The following C12orf54 variants were observed in gnomAD, a reference collection of about 807,000 sequenced individuals.
C12orf54 encodes chromosome 12 open reading frame 54.
C12orf54 carries 24 observed loss-of-function variants against 26.4 expected under a neutral mutation model. The ratio of observed to expected loss-of-function variants is 0.91; its 90% CI spans 0.66 to 1.28. The LOEUF (loss-of-function observed/expected upper bound fraction) is 1.28. Among genes scored for constraint, C12orf54 ranks in the 50% most tolerant of loss-of-function variants. The pLI is 0.00. For missense variants in C12orf54, 154 were observed against 150.9 expected, an observed-to-expected ratio of 1.02 and a Z score of -0.11; for synonymous variants, 54 against 47.0, an observed-to-expected ratio of 1.15 and a Z score of -0.61.
At chr12:48,429,552 C>T in the C12orf54 span, among the ~76,000 whole-genome samples, 1 of 151,330 alleles carries the variant, frequency 6.6e-6, no homozygotes, top group Non-Finnish European at 1.5e-5. Flanking sequence ...AAATCAAGAA[C>T]ACAACCCCTT....
the C12orf54 span, among the ~76,000 whole-genome samples, chr12:48,448,021 G>A: frequency 6.8e-6 from 1 of 147,496 alleles, no homozygotes; most frequent in Non-Finnish European, 1.5e-5. Context: ...CTGGCAGCTA[G>A]CAAAAAAAAC....
the C12orf54 span, among the ~76,000 whole-genome samples, chr12:48,457,790 A>C: frequency 1.3e-5 from 2 of 152,092 alleles, no homozygotes; most frequent in African/African-American, 4.8e-5. Context: ...CTCCACAATG[A>C]CACTGAAATT....
chr12:48,468,515 G>A, the C12orf54 span, among the ~76,000 whole-genome samples: 1 of 152,234 alleles, frequency 6.6e-6, no homozygotes, highest in Admixed American at 6.5e-5. Flanking sequence ...TTTTACAAGA[G>A]ACACATTTTA....
chr12:48,475,027 C>G, the C12orf54 span, among the ~76,000 whole-genome samples: 1 of 152,146 alleles, frequency 6.6e-6, no homozygotes, highest in African/African-American at 2.4e-5. Context: ...CTCACACAGC[C>G]GGGTACTCCT....
the C12orf54 span, among the ~76,000 whole-genome samples, chr12:48,436,002 T>C: frequency 6.6e-6 from 1 of 152,112 alleles, no homozygotes. Context: ...GTGTGCTGTA[T>C]TCAGGAAACC....
chr12:48,437,669 C>T, the C12orf54 span, among the ~76,000 whole-genome samples: 2 of 151,994 alleles, frequency 1.3e-5, no homozygotes, highest in East Asian at 1.9e-4. Flanking sequence ...TTATCTCAAT[C>T]GATGCAGAAA....
At chr12:48,484,127 G>A (rs775219510) in intron 2 of C12orf54, among the ~76,000 whole-genome samples, 10 of 152,196 alleles carry the variant, frequency 6.6e-5, no homozygotes, top group South Asian at 2.1e-4. Flanking sequence ...CCTGGGAGGC[G>A]GAGGTTGCGG....
the C12orf54 span, among the ~76,000 whole-genome samples, chr12:48,465,773 G>A: frequency 6.6e-6 from 1 of 152,028 alleles, no homozygotes; most frequent in Admixed American, 6.6e-5. Context: ...TAACATAAAT[G>A]GAACTAGAAG....
At chr12:48,416,914 C>T in the C12orf54 span, among the ~76,000 whole-genome samples, 2 of 151,916 alleles carry the variant, frequency 1.3e-5, no homozygotes, top group Non-Finnish European at 2.9e-5. Context: ...TAGATTAATG[C>T]TGTTGCCATG....
At chr12:48,435,920 A>C in the C12orf54 span, among the ~76,000 whole-genome samples, 1 of 152,212 alleles carries the variant, frequency 6.6e-6, no homozygotes. Flanking sequence ...AATAATGTTA[A>C]ATGTAAATGG....
At chr12:48,421,115 A>G in the C12orf54 span, among the ~76,000 whole-genome samples, 1 of 152,090 alleles carries the variant, frequency 6.6e-6, no homozygotes, top group Non-Finnish European at 1.5e-5. Flanking sequence ...CCATTCTTGC[A>G]TTGCTATAAA....
At chr12:48,465,563 G>T in the C12orf54 span, among the ~76,000 whole-genome samples, 1 of 152,128 alleles carries the variant, frequency 6.6e-6, no homozygotes, top group Non-Finnish European at 1.5e-5. Flanking sequence ...TCATTACTGG[G>T]TATATAACCA....
chr12:48,452,788 C>A, the C12orf54 span, among the ~76,000 whole-genome samples: 1 of 152,126 alleles, frequency 6.6e-6, no homozygotes, highest in Non-Finnish European at 1.5e-5. Context: ...AAATGCAAAT[C>A]AAAACCACAA....
At chr12:48,416,327 T>A in the C12orf54 span, among the ~76,000 whole-genome samples, 22 of 152,298 alleles carry the variant, frequency 1.4e-4, no homozygotes, top group East Asian at 4.2e-3. Flanking sequence ...TTTTTACCCA[T>A]CGCTTGCTGA....
intron 7 of C12orf54, 82 bp from the exon 8 acceptor site, chr12:48,494,716 A>G: frequency 7.0e-7 from 1 of 1,428,148 alleles, no homozygotes; most frequent in South Asian, 1.2e-5. Flanking sequence ...TAGAATCTCT[A>G]AGGGCAGTGG....
chr12:48,431,771 T>C, the C12orf54 span, among the ~76,000 whole-genome samples: 1 of 152,142 alleles, frequency 6.6e-6, no homozygotes, highest in Non-Finnish European at 1.5e-5. Flanking sequence ...GGCAAATCTA[T>C]ATACATAAAA....
chr12:48,438,907 G>T, the C12orf54 span, among the ~76,000 whole-genome samples: 1 of 152,038 alleles, frequency 6.6e-6, no homozygotes, highest in African/African-American at 2.4e-5. Context: ...TGACAAATGG[G>T]ATCTAATTAA....
the C12orf54 span, among the ~76,000 whole-genome samples, chr12:48,439,515 T>C: frequency 7.7e-4 from 117 of 152,274 alleles, 2 homozygotes; most frequent in Admixed American, 3.3e-4. Context: ...CCAACAATGA[T>C]AGACTGGATT....
the C12orf54 span, among the ~76,000 whole-genome samples, chr12:48,465,173 C>T: frequency 6.6e-6 from 1 of 152,048 alleles, no homozygotes; most frequent in South Asian, 2.1e-4. Context: ...ATGCATCTGA[C>T]AAACGTCTAA....
Sources: allele counts gnomAD v4.1 joint callset (sites outside exome capture counted in the v4.1 genomes callset), GRCh38; gene constraint gnomAD v4.1.1; transcripts MANE v1.5; gene names NCBI Gene and HGNC (gene_info 2026-07-23, HGNC 2026-07-21).